Variants in WDFY4 observed in about 807,000 individuals in gnomAD.
WDFY4 encodes WD repeat- and FYVE domain-containing protein 4.
WDFY4 carries 169 observed loss-of-function variants against 351.9 expected under a neutral mutation model. That is an observed-to-expected ratio of 0.48 (90% CI 0.42 to 0.55). The LOEUF is 0.55. WDFY4 is among the 20% of genes least tolerant of loss of function. The probability of loss-of-function intolerance (pLI) is 0.00; values close to 1 mark genes in which losing one functional copy is unlikely to be tolerated. For missense variants in WDFY4, 3,803 were observed against 3,935.6 expected, an observed-to-expected ratio of 0.97 and a Z score of 0.90; for synonymous variants, 1,622 against 1,574.6, an observed-to-expected ratio of 1.03 and a Z score of -0.71.
Position 48,731,378 on chromosome 10 carries a change from C to A in WDFY4, c.1398C>A (p.Ile466=). ...AGCTGCACTACGTGCCTCATGAGAT[C>A]CTGCGAAAGGTACAGCATCTGATCA... The part of the protein sequence containing the change: ...VFELHYVPHE[I]LRKVQHLIKE... Residue 466 remains isoleucine, a synonymous_variant, in exon 9 of 62, where the codon ATC becomes ATA. Coordinates refer to ENST00000325239, the MANE Select transcript of WDFY4 (RefSeq NM_001394531.1). The A allele has an allele frequency of 1.9e-6, 3 of 1,551,744 alleles. No homozygotes were observed. Among genetic ancestry groups the A allele is most frequent in the Non-Finnish European group, 2.6e-6 (3 of 1,147,016 alleles).
At chr10:48,814,402 C>T (rs772671982) in intron 31 of WDFY4, among the ~76,000 whole-genome samples, 11 of 152,202 alleles carry the variant, frequency 7.2e-5, no homozygotes, top group East Asian at 1.9e-4. Context: ...CTCCTCTCAA[C>T]GAGTCCATCT....
intron 12 of WDFY4, 122 bp from the exon 13 acceptor site, chr10:48,760,225 T>A: frequency 1.2e-6 from 1 of 845,646 alleles, no homozygotes; most frequent in Non-Finnish European, 1.8e-6. Context: ...CAATGTCATC[T>A]AGGTAATAAG....
intron 13 of WDFY4, among the ~76,000 whole-genome samples, chr10:48,767,839 G>A (rs973151145): frequency 5.9e-5 from 9 of 152,172 alleles, no homozygotes; most frequent in African/African-American, 2.2e-4. Flanking sequence ...ACCTTTTGGG[G>A]GTGGGTGAGC....
chr10:48,772,145 T>C (rs1229642193), intron 13 of WDFY4, among the ~76,000 whole-genome samples: 2 of 151,684 alleles, frequency 1.3e-5, no homozygotes, highest in East Asian at 3.9e-4. Context: ...GTATGTGGGA[T>C]TTGTTGAGGG....
chr10:48,932,182 G>A (rs528232666), intron 47 of WDFY4, among the ~76,000 whole-genome samples: 1 of 152,170 alleles, frequency 6.6e-6, no homozygotes, highest in Admixed American at 6.5e-5. Flanking sequence ...AGTGTTCAGT[G>A]GGCACTCAAC....
chr10:48,942,276 T>G (rs902627922), intron 48 of WDFY4, among the ~76,000 whole-genome samples: 1 of 152,204 alleles, frequency 6.6e-6, no homozygotes, highest in Non-Finnish European at 1.5e-5. Flanking sequence ...GGATCTTATT[T>G]TTCTAATTTA....
intron 36 of WDFY4, 144 bp downstream of exon 36, chr10:48,827,053 T>C: frequency 1.4e-6 from 1 of 735,534 alleles, no homozygotes; most frequent in Non-Finnish European, 2.2e-6. Context: ...TGTGAAATGT[T>C]TGATAACATG....
Position 48,742,988 on chromosome 10 carries a change from G to A in WDFY4, c.1899G>A (p.Val633=). The change falls in exon 12 of 62, where the codon GTG becomes GTA. Residue 633 remains valine, a synonymous_variant. Coordinates refer to ENST00000325239, the MANE Select transcript of WDFY4 (RefSeq NM_001394531.1). ...DLLKSLLRIL[V]TPKGRAAFRV... ...TTCAGTCTCTGCTCCGGATCCTGGT[G>A]ACCCCCAAGGGTCGTGCTGCCTTCA... The A allele has an allele frequency of 1.3e-6, 2 of 1,547,498 alleles. No homozygotes were observed. The highest frequency in any genetic ancestry group is 2.0e-5 in the Admixed American group (1 of 50,904).
rs144645439 is a variant in WDFY4 at position 48,925,823 on chromosome 10, C to A, written c.7587-15983C>A. On this transcript the variant is annotated intron_variant, in intron 47 of 61. Coordinates refer to ENST00000325239, the MANE Select transcript of WDFY4 (RefSeq NM_001394531.1). The stretch of plus-strand genomic sequence containing the variant: ...TACTGCCAATGTCAAGAGCTCCTCT[C>A]TATCATTCACTCATGGTACCAAAGT... Among the ~76,000 whole-genome samples, 300 of 152,318 alleles carry A rather than the reference C, an allele frequency of 2.0e-3. 2 individuals are homozygous for A. Among genetic ancestry groups the A allele is most frequent in the African/African-American group, 6.9e-3 (288 of 41,558 alleles).
At chr10:48,933,114 G>A (rs1840129431) in intron 47 of WDFY4, among the ~76,000 whole-genome samples, 1 of 152,158 alleles carries the variant, frequency 6.6e-6, no homozygotes, top group East Asian at 1.9e-4. Flanking sequence ...GCATGGCAGA[G>A]GAGGGACCAT....
intron 15 of WDFY4, among the ~76,000 whole-genome samples, chr10:48,776,424 C>T (rs1456356144): frequency 2.6e-5 from 4 of 152,078 alleles, no homozygotes; most frequent in African/African-American, 9.7e-5. Context: ...TGAGCAGACA[C>T]AAAGCTCCAG....
intron 47 of WDFY4, chr10:48,909,933 T>C (rs1426078347): frequency 2.7e-6 from 1 of 371,046 alleles, no homozygotes; most frequent in African/African-American, 2.0e-5. Flanking sequence ...GCCTTTTAAG[T>C]CTTAAAGTCT....
At chr10:48,915,054 T>G (rs1163980052) in intron 47 of WDFY4, among the ~76,000 whole-genome samples, 2 of 152,188 alleles carry the variant, frequency 1.3e-5, no homozygotes, top group African/African-American at 4.8e-5. Context: ...TCTGCATGCT[T>G]GGCTTAGAAG....
In WDFY4 at chr10:48,937,573, C is replaced by T. The variant is rs112690336; in HGVS notation, c.7587-4233C>T. Among the ~76,000 whole-genome samples, 1,328 of 152,308 alleles carry T rather than the reference C, an allele frequency of 8.7e-3. 15 individuals carry two copies. Among genetic ancestry groups the T allele is most frequent in the Middle Eastern group, 0.024 (7 of 294 alleles). On this transcript the variant is annotated intron_variant, in intron 47 of 61. Coordinates refer to ENST00000325239, the MANE Select transcript of WDFY4 (RefSeq NM_001394531.1). ...CATCTGTTAATGGAAATTATGGTAA[C>T]CTCATTGGGCCTTTGTGGAAATTAG...
chr10:48,818,918 G>A (rs1052213326), intron 32 of WDFY4, among the ~76,000 whole-genome samples: 4 of 152,218 alleles, frequency 2.6e-5, no homozygotes, highest in Non-Finnish European at 4.4e-5. Context: ...GATCAAGGGC[G>A]AGCCTACAGG....
intron 11 of WDFY4, among the ~76,000 whole-genome samples, chr10:48,737,008 T>C (rs2064690940): frequency 6.6e-6 from 1 of 152,260 alleles, no homozygotes; most frequent in South Asian, 2.1e-4. Flanking sequence ...AATATCATTC[T>C]TGCCATCTCT....
intron 47 of WDFY4, chr10:48,913,775 G>A (rs1007846053): frequency 1.9e-6 from 3 of 1,613,968 alleles, no homozygotes; most frequent in Non-Finnish European, 2.5e-6. Flanking sequence ...TCAAGCCTAG[G>A]TTCACAGCGC....
At chr10:48,716,665 C>T (rs1343666065) in intron 2 of WDFY4, among the ~76,000 whole-genome samples, 1 of 152,188 alleles carries the variant, frequency 6.6e-6, no homozygotes, top group Non-Finnish European at 1.5e-5. Context: ...AGATCTGGCT[C>T]AGAGTACAAT....
intron 39 of WDFY4, among the ~76,000 whole-genome samples, chr10:48,844,948 G>A (rs72797180): frequency 0.059 from 9,023 of 152,296 alleles, 332 homozygotes; most frequent in Middle Eastern, 0.085. Flanking sequence ...TGTGATGGCT[G>A]TAGGTTGGAA....
Sources: gnomAD v4.1 joint callset for allele counts (sites outside exome capture counted in the v4.1 genomes callset) on GRCh38, gnomAD v4.1.1 for gene constraint, MANE v1.5 for transcripts, NCBI Gene and HGNC (gene_info 2026-07-23, HGNC 2026-07-21) for gene names.